SPMIP6: variants seen among roughly 807,000 people sequenced by gnomAD.
SPMIP6 encodes sperm microtubule inner protein 6.
chr9:34,380,620 A>G, the SPMIP6 span: 1 of 1,491,800 alleles, frequency 6.7e-7, no homozygotes, highest in East Asian at 2.5e-5. Flanking sequence ...CGGGACCTCC[A>G]GAGCATATAG....
the SPMIP6 span, chr9:34,380,934 G>C: frequency 4.4e-6 from 7 of 1,598,250 alleles, no homozygotes; most frequent in Non-Finnish European, 5.9e-6. Context: ...GGCCGCAGGC[G>C]GCGGTCGGTG....
chr9:34,391,237 TCTTA>T, the SPMIP6 span, among the ~76,000 whole-genome samples: 1 of 152,316 alleles, frequency 6.6e-6, no homozygotes, highest in Non-Finnish European at 1.5e-5. Context: ...CAGAACGTTC[TCTTA>T]CTTTTAATTT....
At chr9:34,380,754 G>C in the SPMIP6 span, 91 of 1,548,290 alleles carry the variant, frequency 5.9e-5, no homozygotes, top group Non-Finnish European at 7.7e-5. Context: ...GGCGGGACAC[G>C]GCAGGGCCTC....
chr9:34,385,734 C>T, the SPMIP6 span: 4 of 1,613,836 alleles, frequency 2.5e-6, no homozygotes, highest in East Asian at 8.9e-5. Context: ...TGGCCATCTT[C>T]TGCAGGGCTT....
the SPMIP6 span, among the ~76,000 whole-genome samples, chr9:34,393,622 T>C: frequency 6.6e-6 from 1 of 152,190 alleles, no homozygotes; most frequent in African/African-American, 2.4e-5. Context: ...TCATTTATTT[T>C]GTTAGTTCTG....
At chr9:34,390,823 T>A in the SPMIP6 span, among the ~76,000 whole-genome samples, 1 of 152,030 alleles carries the variant, frequency 6.6e-6, no homozygotes, top group African/African-American at 2.4e-5. Flanking sequence ...GGTCTCACTA[T>A]GTTGCCCAGG....
At chr9:34,393,098 G>A in the SPMIP6 span, among the ~76,000 whole-genome samples, 1 of 152,146 alleles carries the variant, frequency 6.6e-6, no homozygotes, top group African/African-American at 2.4e-5. Flanking sequence ...TTTAGGAAAG[G>A]GAATTCTTGC....
At chr9:34,392,033 A>G in the SPMIP6 span, among the ~76,000 whole-genome samples, 2 of 151,902 alleles carry the variant, frequency 1.3e-5, no homozygotes, top group African/African-American at 4.8e-5. This position sits in a 1 kb window ranked among gnomAD's most constrained non-coding sequence, Gnocchi z 4.6. Flanking sequence ...TGTAGAGATG[A>G]TATCTTGCTT....
the SPMIP6 span, chr9:34,390,018 A>C: frequency 6.6e-6 from 1 of 152,018 alleles, no homozygotes; most frequent in Non-Finnish European, 1.5e-5. Flanking sequence ...ACTGTGAACA[A>C]TCAATTGAGA....
the SPMIP6 span, chr9:34,397,484 C>G: frequency 6.2e-7 from 1 of 1,614,028 alleles, no homozygotes; most frequent in Non-Finnish European, 8.5e-7. Flanking sequence ...CCCTCCCCAC[C>G]AATCTCCCAC....
the SPMIP6 span, among the ~76,000 whole-genome samples, chr9:34,384,651 A>G: frequency 3.3e-5 from 5 of 152,224 alleles, no homozygotes; most frequent in Admixed American, 2.0e-4. Context: ...GGGAATTCTC[A>G]GTCCATTCAA....
the SPMIP6 span, among the ~76,000 whole-genome samples, chr9:34,394,147 C>A: frequency 6.6e-6 from 1 of 152,014 alleles, no homozygotes; most frequent in Non-Finnish European, 1.5e-5. Context: ...TTTAAAAAAT[C>A]ATAATTATTC....
the SPMIP6 span, among the ~76,000 whole-genome samples, chr9:34,390,653 T>C: frequency 1.3e-5 from 2 of 152,260 alleles, no homozygotes; most frequent in Non-Finnish European, 2.9e-5. Context: ...TTTGTATTTA[T>C]GAATGAATTG....
At chr9:34,384,708 T>A in the SPMIP6 span, among the ~76,000 whole-genome samples, 6 of 152,180 alleles carry the variant, frequency 3.9e-5, no homozygotes, top group Non-Finnish European at 8.8e-5. Context: ...GGGGCACAGC[T>A]GTGAATAAGA....
chr9:34,390,684 T>G, the SPMIP6 span, among the ~76,000 whole-genome samples: 1 of 152,342 alleles, frequency 6.6e-6, no homozygotes, highest in East Asian at 1.9e-4. Context: ...TTTTATTTTC[T>G]TATACACTTT....
chr9:34,392,228 A>G, the SPMIP6 span, among the ~76,000 whole-genome samples: 1 of 151,926 alleles, frequency 6.6e-6, no homozygotes, highest in South Asian at 2.1e-4. This position sits in a 1 kb window ranked among gnomAD's most constrained non-coding sequence, Gnocchi z 4.6. Flanking sequence ...ACACCCAGCT[A>G]ATTTTTAAAT....
chr9:34,384,087 C>T, the SPMIP6 span, among the ~76,000 whole-genome samples: 3 of 152,130 alleles, frequency 2.0e-5, no homozygotes, highest in Non-Finnish European at 4.4e-5. Context: ...GAAGCCCTAG[C>T]GAAGAGCAGC....
chr9:34,379,735 G>GAGCCGC, the SPMIP6 span: 9 of 1,612,514 alleles, frequency 5.6e-6, no homozygotes, highest in Non-Finnish European at 6.8e-6. This position sits in a 1 kb window ranked among gnomAD's most constrained non-coding sequence, Gnocchi z 4.2. Context: ...GTACACATCT[G>GAGCCGC]GAGAAGGAGG....
chr9:34,389,114 G>T, the SPMIP6 span, among the ~76,000 whole-genome samples: 1 of 150,934 alleles, frequency 6.6e-6, no homozygotes, highest in Non-Finnish European at 1.5e-5. Context: ...TTTTAAATTT[G>T]TTTATAGAGA....
Sources: allele counts gnomAD v4.1 joint callset (sites outside exome capture counted in the v4.1 genomes callset), GRCh38; gene constraint gnomAD v4.1.1; non-coding constraint Gnocchi (gnomAD v3.1); transcripts MANE v1.5; gene names NCBI Gene and HGNC (gene_info 2026-07-23, HGNC 2026-07-21).